The following PAPPA2 variants were observed in gnomAD, a reference collection of about 807,000 sequenced individuals.
PAPPA2 encodes the protein pappalysin-2.
In PAPPA2, 86 loss-of-function variants were observed where a neutral mutation model predicts 176.4. The observed-to-expected ratio is 0.49, with a 90% CI of 0.41 to 0.58. PAPPA2 has a LOEUF of 0.58. PAPPA2 is among the 20% of genes least tolerant of loss of function. PAPPA2 has a pLI of 0.00. For missense variants in PAPPA2, 2,073 were observed against 2,256.9 expected, an observed-to-expected ratio of 0.92 and a Z score of 1.65; for synonymous variants, 809 against 852.2, an observed-to-expected ratio of 0.95 and a Z score of 0.88.
Position 176,702,703 on chromosome 1 carries a change from A to G in PAPPA2, c.3333A>G (p.Gly1111=). ...CGCCTCCTCTGAACCACATTCATGG[A>G]GCTCCTTATTGTGGAGATGGGAAGG... ...EASPPLNHIH[G]APYCGDGKVS... Residue 1111 remains glycine, a synonymous_variant, in exon 9 of 23, where the codon GGA becomes GGG. Coordinates refer to ENST00000367662, the MANE Select transcript of PAPPA2 (RefSeq NM_020318.3). The G allele has an allele frequency of 6.2e-7, 1 of 1,608,350 alleles. No homozygotes were observed. Among genetic ancestry groups the G allele is most frequent in the Non-Finnish European group, 8.5e-7 (1 of 1,177,272 alleles).
Position 176,671,114 on chromosome 1 carries a change from G to A in PAPPA2, c.2136G>A (p.Leu712=). The A allele has an allele frequency of 1.9e-6, 3 of 1,613,514 alleles. No individual in the cohort carries two copies. The highest frequency in any genetic ancestry group is 2.5e-6 in the Non-Finnish European group (3 of 1,179,738). ...GGGACAAGGACGCTGTCACTCACCT[G>A]GGTAAGTGAAATGAAGACCAAACAT... ...WPWDKDAVTH[L]GGIVLSPAYY... The change falls in exon 4 of 23, where the codon CTG becomes CTA. Residue 712 remains leucine (L), a splice_region_variant and synonymous_variant. Transcript: ENST00000367662.
At chr1:176,483,712 A>C (rs1003892260) in intron 1 of PAPPA2, among the ~76,000 whole-genome samples, 5 of 151,736 alleles carry the variant, frequency 3.3e-5, no homozygotes, top group African/African-American at 7.3e-5. Context: ...CTTGTGATCC[A>C]CCCACCTAGG....
chr1:176,656,802 C>CA (rs71299412), intron 3 of PAPPA2, among the ~76,000 whole-genome samples: 1 of 151,554 alleles, frequency 6.6e-6, no homozygotes, highest in Non-Finnish European at 1.5e-5. Flanking sequence ...CACACACACA[C>CA]CAGAAGTCAG....
At chr1:176,635,090 G>A (rs762236698) in intron 3 of PAPPA2, among the ~76,000 whole-genome samples, 1 of 152,068 alleles carries the variant, frequency 6.6e-6, no homozygotes, top group Non-Finnish European at 1.5e-5. Flanking sequence ...AAGCAAAAGA[G>A]GAGCTACCTA....
intron 1 of PAPPA2, among the ~76,000 whole-genome samples, chr1:176,495,638 T>C (rs1053523408): frequency 2.0e-5 from 3 of 152,156 alleles, no homozygotes; most frequent in Non-Finnish European, 4.4e-5. Flanking sequence ...GAGGTCAGGC[T>C]ATTATTCACT....
At chr1:176,679,461 A>G (rs1438428708) in intron 4 of PAPPA2, among the ~76,000 whole-genome samples, 2 of 152,278 alleles carry the variant, frequency 1.3e-5, no homozygotes, top group South Asian at 2.1e-4. Flanking sequence ...TTTTTCTGTT[A>G]TGAAAGTGGG....
chr1:176,774,392 A>G (rs1164272044), intron 17 of PAPPA2, among the ~76,000 whole-genome samples: 1 of 152,154 alleles, frequency 6.6e-6, no homozygotes, highest in African/African-American at 2.4e-5. Context: ...ACTCTTAACT[A>G]TGCAAAACAG....
intron 3 of PAPPA2, among the ~76,000 whole-genome samples, chr1:176,628,269 T>C (rs996693005): frequency 2.0e-5 from 3 of 152,218 alleles, no homozygotes; most frequent in African/African-American, 7.2e-5. Flanking sequence ...AAAATTATTA[T>C]GTCTGTGTCT....
At chr1:176,487,621 G>A (rs184456863) in intron 1 of PAPPA2, among the ~76,000 whole-genome samples, 1 of 152,130 alleles carries the variant, frequency 6.6e-6, no homozygotes, top group Non-Finnish European at 1.5e-5. Context: ...AGGCTGGATT[G>A]GTTCACCAAG....
rs1651320531 is a variant in PAPPA2, at chr1:176,556,711, T to G, written c.389T>G (p.Val130Gly). ...GTTGAAGAGCCGGCTGCCCCATGGG[T>G]AGGGGATAGTCCTATTGGGCAATCT... ...GAVEEPAAPW[V>G]GDSPIGQSEL... The change falls in exon 2 of 23, where the codon GTA becomes GGA. Residue 130 changes from valine to glycine, a missense_variant. Val to Gly is a moderately radical substitution (Grantham distance 109). Around this residue, in one of 4 missense-constraint regions of PAPPA2, gnomAD observed 1,196 missense variants for 1,330.4 expected, o/e 0.90. Transcript: ENST00000367662. 6.2e-7 allele frequency: 1 copy of G among 1,613,710 alleles called. No homozygotes were observed.
chr1:176,687,931 C>T (rs1659925402), intron 4 of PAPPA2, among the ~76,000 whole-genome samples: 1 of 152,106 alleles, frequency 6.6e-6, no homozygotes, highest in Admixed American at 6.5e-5. Flanking sequence ...CTCTCATATA[C>T]ATTATGGATT....
chr1:176,828,783 C>T (rs1212418559), intron 21 of PAPPA2, among the ~76,000 whole-genome samples: 1 of 151,996 alleles, frequency 6.6e-6, no homozygotes, highest in African/African-American at 2.4e-5. Flanking sequence ...GTGGGTGAAT[C>T]ACGAGGTCAG....
chr1:176,672,645 G>C (rs906538917), intron 4 of PAPPA2, among the ~76,000 whole-genome samples: 1 of 151,974 alleles, frequency 6.6e-6, no homozygotes, highest in Non-Finnish European at 1.5e-5. Context: ...TCCACAGAGT[G>C]AATCAGATTG....
intron 1 of PAPPA2, among the ~76,000 whole-genome samples, chr1:176,489,015 G>A (rs1012344279): frequency 5.9e-5 from 9 of 152,168 alleles, no homozygotes; most frequent in African/African-American, 2.2e-4. Flanking sequence ...TGGGGTACAT[G>A]CTGTCTAATG....
intron 3 of PAPPA2, among the ~76,000 whole-genome samples, chr1:176,610,144 C>T (rs1654828687): frequency 6.6e-6 from 1 of 152,058 alleles, no homozygotes; most frequent in Non-Finnish European, 1.5e-5. Context: ...GTACAATGAG[C>T]ATGTCCTCTC....
At chr1:176,516,021 A>G (rs189600916) in intron 1 of PAPPA2, among the ~76,000 whole-genome samples, 146 of 152,344 alleles carry the variant, frequency 9.6e-4, no homozygotes, top group African/African-American at 3.3e-3. Context: ...AAAGTCAACT[A>G]GCCTAAATGT....
intron 19 of PAPPA2, among the ~76,000 whole-genome samples, 156 bp from the exon 20 acceptor site, chr1:176,793,404 A>G (rs2102941005): frequency 6.6e-6 from 1 of 152,336 alleles, no homozygotes; most frequent in African/African-American, 2.4e-5. Context: ...CTACAGGAAC[A>G]CAGTAGATGA....
At chr1:176,607,144 G>A (rs921588552) in intron 3 of PAPPA2, among the ~76,000 whole-genome samples, 21 of 152,016 alleles carry the variant, frequency 1.4e-4, no homozygotes, top group Non-Finnish European at 2.5e-4. Context: ...TGTATAGAAC[G>A]TGTAATGATT....
At chr1:176,651,910 T>C (rs1427794208) in intron 3 of PAPPA2, among the ~76,000 whole-genome samples, 2 of 151,674 alleles carry the variant, frequency 1.3e-5, no homozygotes, top group African/African-American at 4.8e-5. Flanking sequence ...CTCTGCTTGC[T>C]TCATTCTGCT....
Sources: gnomAD v4.1 joint callset for allele counts (sites outside exome capture counted in the v4.1 genomes callset) on GRCh38, gnomAD v4.1.1 for gene constraint, gnomAD v4.1.1 regional missense constraint, MANE v1.5 for transcripts, NCBI Gene and HGNC (gene_info 2026-07-23, HGNC 2026-07-21) for gene names.